ELP3: variants seen among roughly 807,000 people sequenced by gnomAD.
ELP3 encodes the protein elongator complex protein 3.
A neutral mutation model predicts 74.9 loss-of-function variants in ELP3; 56 were observed. The ratio of observed to expected loss-of-function variants is 0.75; its 90% confidence interval spans 0.60 to 0.93. The LOEUF is 0.93. Among genes scored for constraint, ELP3 ranks in the 40% least tolerant of loss-of-function variants. The probability of loss-of-function intolerance (pLI) is 0.00; values close to 1 mark genes in which losing one functional copy is unlikely to be tolerated. For missense variants in ELP3, 573 were observed against 686.5 expected (o/e 0.83, Z 1.85); for synonymous variants, 222 against 239.8 (o/e 0.93, Z 0.68).
In ELP3 at chr8:28,162,066, G is replaced by A. The variant is rs1260733673; in HGVS notation, c.1555G>A (p.Ala519Thr). The change falls in exon 14 of 15, where the codon GCT (alanine) becomes ACT (threonine). Residue 519 changes from alanine (A) to threonine (T), a missense_variant. Transcript: ENST00000256398. ...AGAAGAACATGGGTCTGGGAAAATC[G>A]CTGTGATATCAGGTAACTGGGGGAG... is the stretch of plus-strand genomic sequence containing the variant. ...AREEHGSGKIAVISGVGTRNY... is the reference protein window; with the variant it reads ...AREEHGSGKITVISGVGTRNY... The A allele has an allele frequency of 1.1e-5, 17 of 1,614,020 alleles. No individual in the cohort carries two copies. The highest frequency in any genetic ancestry group is 3.3e-5 in the Admixed American group (2 of 60,012).
chr8:28,150,880 C>A (rs560620585), intron 10 of ELP3, among the ~76,000 whole-genome samples: 53 of 152,236 alleles, frequency 3.5e-4, no homozygotes, highest in African/African-American at 1.2e-3. Flanking sequence ...GAGACAGGGT[C>A]TCACTCTTAC....
chr8:28,165,825 A>G (rs1048917095), intron 14 of ELP3, among the ~76,000 whole-genome samples: 5 of 152,176 alleles, frequency 3.3e-5, no homozygotes, highest in African/African-American at 4.8e-5. Flanking sequence ...TTAAAAACAA[A>G]TTGGTTTTTT....
intron 13 of ELP3, among the ~76,000 whole-genome samples, chr8:28,161,217 G>A (rs7002379): frequency 0.077 from 11,641 of 152,096 alleles, 1,534 homozygotes; most frequent in African/African-American, 0.27. Context: ...ACCTAATGGC[G>A]GATATGATAT....
At chr8:28,104,704 G>A (rs1003426426) in intron 3 of ELP3, among the ~76,000 whole-genome samples, 1 of 152,162 alleles carries the variant, frequency 6.6e-6, no homozygotes, top group African/African-American at 2.4e-5. Context: ...GCAGCACTAC[G>A]TTCTTCTCGT....
chr8:28,138,334 CAT>C (rs1813078732), intron 10 of ELP3, among the ~76,000 whole-genome samples: 1 of 152,172 alleles, frequency 6.6e-6, no homozygotes, highest in African/African-American at 2.4e-5. Context: ...GGAAAGGTGA[CAT>C]ATTTCTGATG....
chr8:28,176,385 G>A (rs1466458814), intron 14 of ELP3, among the ~76,000 whole-genome samples: 2 of 152,194 alleles, frequency 1.3e-5, no homozygotes, highest in African/African-American at 4.8e-5. Context: ...ATAATACACA[G>A]CCCTATATTT....
At chr8:28,176,360 A>G (rs1056840931) in intron 14 of ELP3, among the ~76,000 whole-genome samples, 3 of 152,188 alleles carry the variant, frequency 2.0e-5, no homozygotes, top group Non-Finnish European at 1.5e-5. Context: ...CCTTCCAGGA[A>G]CCTCCAAAGT....
At chr8:28,188,908 C>G (rs558635272) in intron 14 of ELP3, among the ~76,000 whole-genome samples, 28 of 152,122 alleles carry the variant, frequency 1.8e-4, no homozygotes, top group Middle Eastern at 3.4e-3. Flanking sequence ...GGACTGAGCT[C>G]AGAACTGGGG....
At position 28,189,765 on chromosome 8, in the gene ELP3, C is replaced by G. The variant is rs767968608; in HGVS notation, c.*40C>G. The G allele has an allele frequency of 6.3e-7, 1 of 1,584,422 alleles. No individual in the cohort carries two copies. Among genetic ancestry groups the G allele is most frequent in the South Asian group, 1.1e-5 (1 of 90,440 alleles). Reference sequence around the variant, plus strand: ...CACTCTTCTGCAGTATCCTCCCTGGCAGAACACGGAGAATCAGGATTTCTT... The same window carrying G: ...CACTCTTCTGCAGTATCCTCCCTGGGAGAACACGGAGAATCAGGATTTCTT... On this transcript the variant is annotated 3_prime_UTR_variant, in exon 15 of 15. Transcript: ENST00000256398.
In ELP3 at chr8:28,149,378, T is replaced by C. The variant is rs192558539; in HGVS notation, c.1101-6564T>C. On this transcript the variant is annotated intron_variant, in intron 10 of 14. Transcript: ENST00000256398. ...CACCAGTGATAGAGTCTTATTCAGA[T>C]TGAGTATTTCTTCTTGTGAGTTTTG... is the stretch of plus-strand genomic sequence containing the variant. Among the ~76,000 whole-genome samples the C allele has an allele frequency of 1.6e-4, 25 of 152,340 alleles. No homozygotes were observed. In the East Asian group the frequency reaches 3.9e-3, roughly 23 times the overall value.
chr8:28,182,153 A>C (rs1033976164), intron 14 of ELP3, among the ~76,000 whole-genome samples: 3 of 152,208 alleles, frequency 2.0e-5, no homozygotes, highest in African/African-American at 7.2e-5. Context: ...TTGGAGGAAC[A>C]AAGAGTTGGT....
chr8:28,111,418 A>G (rs534208538), intron 6 of ELP3, among the ~76,000 whole-genome samples: 13 of 152,330 alleles, frequency 8.5e-5, no homozygotes, highest in African/African-American at 3.1e-4. Flanking sequence ...TAGTTGTAAT[A>G]GTAATGTATA....
chr8:28,106,890 AATAGATTT>A, intron 4 of ELP3, 107 bp downstream of exon 4: 1 of 778,270 alleles, frequency 1.3e-6, no homozygotes, highest in Non-Finnish European at 2.1e-6. Flanking sequence ...ACTTCAGCTT[AATAGATTT>A]ATAGATTACT....
intron 1 of ELP3, among the ~76,000 whole-genome samples, chr8:28,096,799 A>G (rs977900121): frequency 2.6e-5 from 4 of 152,232 alleles, no homozygotes; most frequent in Non-Finnish European, 4.4e-5. Flanking sequence ...TGTTCTGAGA[A>G]TTACCTGAAT....
intron 10 of ELP3, among the ~76,000 whole-genome samples, chr8:28,142,044 A>C (rs1048043026): frequency 6.6e-6 from 1 of 152,222 alleles, no homozygotes; most frequent in Non-Finnish European, 1.5e-5. Context: ...TTGCTATACT[A>C]TTAAATGCTT....
chr8:28,117,237 A>T (rs1200172822), intron 7 of ELP3, among the ~76,000 whole-genome samples: 2 of 152,198 alleles, frequency 1.3e-5, no homozygotes, highest in African/African-American at 2.4e-5. Flanking sequence ...AGATCTGCAT[A>T]GTGAACTTTT....
chr8:28,162,533 A>G (rs1814143169), intron 14 of ELP3, among the ~76,000 whole-genome samples: 1 of 152,152 alleles, frequency 6.6e-6, no homozygotes, highest in Admixed American at 6.5e-5. Context: ...GTTCTCAGTA[A>G]CTTCAATCCT....
intron 14 of ELP3, among the ~76,000 whole-genome samples, chr8:28,167,733 C>T (rs1814363848): frequency 6.6e-6 from 1 of 150,598 alleles, no homozygotes; most frequent in Non-Finnish European, 1.5e-5. Context: ...ACAAATTATC[C>T]CCTAAATGTC....
chr8:28,165,044 G>T (rs551618355), intron 14 of ELP3, among the ~76,000 whole-genome samples: 1 of 152,240 alleles, frequency 6.6e-6, no homozygotes, highest in East Asian at 1.9e-4. Context: ...CACTGATTTG[G>T]ATGGGAGTGG....
Sources: gnomAD v4.1 joint callset for allele counts (sites outside exome capture counted in the v4.1 genomes callset) on GRCh38, gnomAD v4.1.1 for gene constraint, MANE v1.5 for transcripts, NCBI Gene and HGNC (gene_info 2026-07-23, HGNC 2026-07-21) for gene names.